BANK1: variants seen among roughly 807,000 people sequenced by gnomAD.
BANK1 encodes B-cell scaffold protein with ankyrin repeats.
Under a neutral mutation model 94.5 loss-of-function variants are expected in BANK1, and 95 were observed. The ratio of observed to expected loss-of-function variants is 1.00; its 90% CI spans 0.85 to 1.19. The LOEUF is 1.19. BANK1 is among the 50% of genes most tolerant of loss of function. BANK1 has a pLI of 0.00. For synonymous variants in BANK1, 334 were observed against 308.4 expected (o/e 1.08, Z -0.87); for missense variants, 987 against 932.2 (o/e 1.06, Z -0.77).
At chr4:101,920,925 G>A (rs1050708843) in intron 7 of BANK1, among the ~76,000 whole-genome samples, 9 of 151,764 alleles carry the variant, frequency 5.9e-5, no homozygotes, top group Non-Finnish European at 1.0e-4. Context: ...ATATGAAGGA[G>A]GAGGATGAAG....
At chr4:101,849,783 C>T (rs900630979) in intron 2 of BANK1, among the ~76,000 whole-genome samples, 9 of 152,192 alleles carry the variant, frequency 5.9e-5, no homozygotes, top group Admixed American at 4.6e-4. Flanking sequence ...ATTTTCTACC[C>T]AAGGGCCGGA....
intron 7 of BANK1, among the ~76,000 whole-genome samples, chr4:101,958,755 C>T (rs951939464): frequency 5.9e-5 from 9 of 152,224 alleles, no homozygotes; most frequent in African/African-American, 1.9e-4. Context: ...ATCCTCTCTA[C>T]ACATGCTCTT....
intron 1 of BANK1, among the ~76,000 whole-genome samples, chr4:101,809,631 C>G (rs1463504861): frequency 6.6e-6 from 1 of 152,116 alleles, no homozygotes; most frequent in East Asian, 1.9e-4. Context: ...TTTCAAGCTC[C>G]CACTAATTGA....
chr4:101,820,341 C>T (rs746749159), intron 1 of BANK1, among the ~76,000 whole-genome samples: 1 of 152,214 alleles, frequency 6.6e-6, no homozygotes, highest in Non-Finnish European at 1.5e-5. Context: ...TTTCTCCCTT[C>T]CCTTGTGGGA....
chr4:101,811,126 T>A (rs1725718998), intron 1 of BANK1, among the ~76,000 whole-genome samples: 1 of 152,190 alleles, frequency 6.6e-6, no homozygotes, highest in African/African-American at 2.4e-5. Context: ...TTTGTGAAAC[T>A]TCTATGAGTC....
intron 2 of BANK1, among the ~76,000 whole-genome samples, chr4:101,842,381 G>A (rs867456706): frequency 5.9e-5 from 9 of 152,062 alleles, no homozygotes; most frequent in Middle Eastern, 3.4e-3. Flanking sequence ...AATTCTATGA[G>A]CCAACCACCA....
chr4:101,874,372 G>T (rs1728409392), intron 5 of BANK1, among the ~76,000 whole-genome samples: 1 of 152,134 alleles, frequency 6.6e-6, no homozygotes, highest in South Asian at 2.1e-4. Context: ...GTTAGCAGTT[G>T]TCTCCCTTAA....
At chr4:102,038,732 G>A (rs1727603664) in intron 10 of BANK1, among the ~76,000 whole-genome samples, 1 of 152,080 alleles carries the variant, frequency 6.6e-6, no homozygotes, top group South Asian at 2.1e-4. Context: ...GTAAATATTT[G>A]TGTTTGTATC....
rs561920123 is a variant in BANK1 at position 101,797,482 on chromosome 4, A to T, written c.70+6532A>T. On this transcript the variant is annotated intron_variant, in intron 1 of 16. Transcript: ENST00000322953. ...CTGCTCTTGATACAATTAATTGGAA[A>T]AGGGCAGCAATGGAAGTTAGTGAAC... Among the ~76,000 whole-genome samples the T allele has an allele frequency of 3.3e-5, 5 of 152,330 alleles. No individual in the cohort carries two copies. In the South Asian group the frequency reaches 1.0e-3, roughly 32 times the overall value.
chr4:101,863,706 T>C (rs1313578777), intron 4 of BANK1, among the ~76,000 whole-genome samples: 1 of 152,134 alleles, frequency 6.6e-6, no homozygotes, highest in Non-Finnish European at 1.5e-5. Flanking sequence ...TAAGCATGTG[T>C]AGAAGTGAAA....
chr4:101,986,897 G>GTATATA (rs1377407537), intron 7 of BANK1, among the ~76,000 whole-genome samples: 791 of 57,968 alleles, frequency 0.014, 68 homozygotes, highest in African/African-American at 0.023. Flanking sequence ...GTGTGTGTGT[G>GTATATA]TGTATATATA....
Position 102,063,092 on chromosome 4 carries a change from A to G in BANK1, c.2166A>G (p.Leu722=). The change falls in exon 13 of 17, where the codon CTA becomes CTG. Residue 722 remains leucine (L), a synonymous_variant. Coordinates refer to ENST00000322953, the MANE Select transcript of BANK1 (RefSeq NM_017935.5). ...ACATTAAGGAGAAATTACGACAACT[A>G]CGAGACTGCATTATTGGGAAAAGGC... is the stretch of plus-strand genomic sequence containing the variant. ...EMIQQEKLRQ[L]RDCIIGKRPE... The G allele has an allele frequency of 1.9e-6, 3 of 1,613,824 alleles. No homozygotes were observed. Among genetic ancestry groups the G allele is most frequent in the Non-Finnish European group, 2.5e-6 (3 of 1,179,766 alleles).
At chr4:101,980,306 GAGTA>G (rs1725285277) in intron 7 of BANK1, among the ~76,000 whole-genome samples, 1 of 151,768 alleles carries the variant, frequency 6.6e-6, no homozygotes, top group African/African-American at 2.4e-5. Context: ...TATCTTGGTT[GAGTA>G]AGTGAGGATT....
chr4:102,050,483 T>C (rs1728011224), intron 11 of BANK1, among the ~76,000 whole-genome samples: 1 of 152,162 alleles, frequency 6.6e-6, no homozygotes, highest in Non-Finnish European at 1.5e-5. Flanking sequence ...TCAGCAATAA[T>C]CTCAAAATCA....
chr4:102,065,831 A>T (rs1436318378), intron 13 of BANK1, among the ~76,000 whole-genome samples: 1 of 152,168 alleles, frequency 6.6e-6, no homozygotes, highest in Non-Finnish European at 1.5e-5. Flanking sequence ...AAGAGTTAGT[A>T]AACAAAATTA....
At chr4:101,936,954 A>G (rs1433320528) in intron 7 of BANK1, among the ~76,000 whole-genome samples, 5 of 151,380 alleles carry the variant, frequency 3.3e-5, no homozygotes, top group Non-Finnish European at 5.9e-5. Flanking sequence ...ATCCCGCTGG[A>G]TCCCAAAAGA....
Position 102,060,243 on chromosome 4 carries a change from A to C in BANK1, c.2002A>C (p.Thr668Pro). 6.3e-7 allele frequency: 1 copy of C among 1,590,382 alleles called. No individual in the cohort carries two copies. The highest frequency in any genetic ancestry group is 8.5e-7 in the Non-Finnish European group (1 of 1,173,650). ...RARIESPAFSTLRGCLTDGQE... is the reference protein window; with the variant it reads ...RARIESPAFSPLRGCLTDGQE... ...TCGGATAGAGAGTCCAGCCTTTTCTACTCTCAGGGGCTGTCTAACTGATGG... is the reference window on the plus strand; with the variant it reads ...TCGGATAGAGAGTCCAGCCTTTTCTCCTCTCAGGGGCTGTCTAACTGATGG... The change falls in exon 12 of 17, where the codon ACT becomes CCT. Residue 668 changes from threonine (T) to proline (P), a missense_variant. Thr to Pro is a conservative substitution (Grantham distance 38, BLOSUM62 -1). Coordinates refer to ENST00000322953, the MANE Select transcript of BANK1 (RefSeq NM_017935.5).
intron 7 of BANK1, among the ~76,000 whole-genome samples, chr4:101,936,190 T>TAG (rs906323747): frequency 2.7e-5 from 4 of 147,378 alleles, no homozygotes; most frequent in Non-Finnish European, 6.0e-5. Context: ...ATATATGATA[T>TAG]ATATATTTTT....
At chr4:101,932,992 A>G (rs1056007756) in intron 7 of BANK1, among the ~76,000 whole-genome samples, 1 of 151,450 alleles carries the variant, frequency 6.6e-6, no homozygotes, top group African/African-American at 2.4e-5. Flanking sequence ...AATGGCTTAT[A>G]TTTTGGCAAT....
Sources: gnomAD v4.1 joint callset for allele counts (sites outside exome capture counted in the v4.1 genomes callset) on GRCh38, gnomAD v4.1.1 for gene constraint, MANE v1.5 for transcripts, NCBI Gene and HGNC (gene_info 2026-07-23, HGNC 2026-07-21) for gene names.